Variants in TTC21B observed in about 807,000 individuals in gnomAD.
The protein encoded by TTC21B is tetratricopeptide repeat domain 21B.
A neutral mutation model predicts 175.1 loss-of-function variants in TTC21B; 127 were observed. The observed-to-expected ratio is 0.73, with a 90% CI of 0.63 to 0.84. The LOEUF (loss-of-function observed/expected upper bound fraction) is 0.84. Ranked by LOEUF, TTC21B falls within the 40% of genes least tolerant of loss-of-function variation. The pLI is 0.00. For synonymous variants in TTC21B, 524 were observed against 524.5 expected (o/e 1.00, Z 0.01); for missense variants, 1,561 against 1,558.3 (o/e 1.00, Z -0.03).
intron 18 of TTC21B, among the ~76,000 whole-genome samples, chr2:165,908,583 T>C (rs956846783): frequency 4.6e-5 from 7 of 152,148 alleles, no homozygotes; most frequent in Non-Finnish European, 8.8e-5. Context: ...TAGGTAGTCC[T>C]GGACACATCA....
chr2:165,941,046 T>C lies in TTC21B; in HGVS notation c.691A>G (p.Thr231Ala). The C allele has an allele frequency of 1.9e-6, 3 of 1,613,968 alleles. No individual in the cohort carries two copies. The highest frequency in any genetic ancestry group is 1.1e-5 in the South Asian group (1 of 91,084). The change falls in exon 6 of 29, where the codon ACA becomes GCA. Residue 231 changes from threonine (T) to alanine (A), a missense_variant. Physicochemically the swap from Thr to Ala is moderately conservative, Grantham distance 58. Coordinates refer to ENST00000243344, the MANE Select transcript of TTC21B (RefSeq NM_024753.5). Reference sequence around the variant, plus strand: ...CTTAACCTTTGTGCTGTCTCAACTGTCTGGTCCCAATCCTGCAAGGCTAGT... The same window carrying C: ...CTTAACCTTTGTGCTGTCTCAACTGCCTGGTCCCAATCCTGCAAGGCTAGT... ...LQLALQDWDQ[T>A]VETAQRLLLQ...
At chr2:165,907,883 T>C (rs1487798758) in intron 18 of TTC21B, 99 bp from the exon 19 acceptor site, 4 of 830,714 alleles carry the variant, frequency 4.8e-6, no homozygotes, top group Non-Finnish European at 7.6e-6. Context: ...AAAAATGATT[T>C]TGAAAAATAG....
chr2:165,945,711 T>A, intron 3 of TTC21B, 21 bp from the exon 4 acceptor site: 1 of 1,607,630 alleles, frequency 6.2e-7, no homozygotes, highest in Non-Finnish European at 8.5e-7. Flanking sequence ...AAAATGATAT[T>A]AAATAAAAAT....
chr2:165,913,142 A>T (rs1262730025), intron 16 of TTC21B, among the ~76,000 whole-genome samples: 1 of 151,718 alleles, frequency 6.6e-6, no homozygotes, highest in Non-Finnish European at 1.5e-5. Context: ...AGGTTCAAGT[A>T]ATTCTCCTGC....
intron 4 of TTC21B, 83 bp from the exon 5 acceptor site, chr2:165,943,424 G>A: frequency 4.5e-6 from 5 of 1,120,910 alleles, no homozygotes. Flanking sequence ...TCATTTTTCT[G>A]GCAATTAATA....
chr2:165,917,589 G>T, intron 13 of TTC21B, 108 bp from the exon 14 acceptor site: 1 of 896,654 alleles, frequency 1.1e-6, no homozygotes, highest in Non-Finnish European at 1.8e-6. Context: ...GTCCATCTTT[G>T]ATTGTATGCA....
intron 21 of TTC21B, among the ~76,000 whole-genome samples, chr2:165,899,390 T>G (rs1685478172): frequency 6.6e-6 from 1 of 152,182 alleles, no homozygotes; most frequent in African/African-American, 2.4e-5. Flanking sequence ...TGAAGTTGTT[T>G]TTTTTCCCCT....
chr2:165,917,617 C>T (rs1686225959), intron 13 of TTC21B, 136 bp from the exon 14 acceptor site: 1 of 747,472 alleles, frequency 1.3e-6, no homozygotes, highest in Non-Finnish European at 2.3e-6. Flanking sequence ...TATCTCTGCC[C>T]TCTTATTAAC....
At chr2:165,904,516 A>C (rs1685666371) in intron 19 of TTC21B, among the ~76,000 whole-genome samples, 1 of 152,302 alleles carries the variant, frequency 6.6e-6, no homozygotes, top group South Asian at 2.1e-4. Flanking sequence ...AAACACTACA[A>C]ATTAATTGCA....
intron 25 of TTC21B, among the ~76,000 whole-genome samples, chr2:165,885,870 T>C (rs1199038305): frequency 6.6e-6 from 1 of 152,196 alleles, no homozygotes; most frequent in African/African-American, 2.4e-5. Context: ...TCTCAATAAC[T>C]CTAAATTGCA....
chr2:165,946,256 G>A (rs1183860554), intron 3 of TTC21B, among the ~76,000 whole-genome samples: 15 of 151,670 alleles, frequency 9.9e-5, no homozygotes, highest in South Asian at 2.1e-4. Flanking sequence ...GGAGAATGGC[G>A]TGAACTCGAG....
chr2:165,896,917 C>T (rs956136684), intron 22 of TTC21B, among the ~76,000 whole-genome samples: 13 of 152,030 alleles, frequency 8.6e-5, no homozygotes, highest in African/African-American at 1.7e-4. Flanking sequence ...TTTAATAAAA[C>T]GATGATTTGC....
rs144250325 is a variant in TTC21B, at chr2:165,883,364, AAATAT to A, written c.3684+425_3684+429del. Among the ~76,000 whole-genome samples, 719 of 152,280 alleles carry A rather than the reference AAATAT, an allele frequency of 4.7e-3. 4 individuals are homozygous for A. Among genetic ancestry groups the A allele is most frequent in the African/African-American group, 0.016 (685 of 41,556 alleles). On this transcript the variant is annotated intron_variant, in intron 26 of 28. Transcript: ENST00000243344. ...AAAGCTGAAAAGATTTTCTCCCACA[AAATAT>A]ATTATGCATAATAGATTCTAATAAT... is the stretch of plus-strand genomic sequence containing the variant.
At chr2:165,916,063 A>T (rs1454128762) in intron 14 of TTC21B, among the ~76,000 whole-genome samples, 1 of 152,172 alleles carries the variant, frequency 6.6e-6, no homozygotes, top group African/African-American at 2.4e-5. Flanking sequence ...TGGGTGGATC[A>T]CTTAAGCCCA....
intron 3 of TTC21B, chr2:165,948,728 T>G (rs1194393812): frequency 6.6e-6 from 1 of 151,168 alleles, no homozygotes. Context: ...TTATTTTCTG[T>G]TTTTTTTTAG....
In TTC21B at chr2:165,883,895, C is replaced by T; in HGVS notation, c.3583G>A (p.Glu1195Lys). 1.2e-6 allele frequency: 2 copies of T among 1,614,136 alleles called. No individual in the cohort carries two copies. The highest frequency in any genetic ancestry group is 1.7e-6 in the Non-Finnish European group (2 of 1,180,014). ...KMNWNAIDAE[E>K]FEKSWLLLAD... Reference sequence around the variant, plus strand: ...AGTAGCAGCCAACTCTTCTCAAACTCTTCAGCATCAATAGCATTCCAATTC... The same window carrying T: ...AGTAGCAGCCAACTCTTCTCAAACTTTTCAGCATCAATAGCATTCCAATTC... The change falls in exon 26 of 29, where the codon GAG (glutamate) becomes AAG (lysine). Residue 1195 changes from glutamate (E) to lysine (K), a missense_variant. Physicochemically the swap from Glu to Lys is moderately conservative, Grantham distance 56. Transcript: ENST00000243344.
chr2:165,890,366 T>C (rs1685144856), intron 24 of TTC21B, 113 bp downstream of exon 24: 2 of 951,690 alleles, frequency 2.1e-6, no homozygotes, highest in Admixed American at 2.4e-5. Flanking sequence ...ATTTAATTTA[T>C]TCATCTGACC....
chr2:165,940,917 T>C (rs370153756), intron 6 of TTC21B, 110 bp downstream of exon 6: 9 of 1,217,750 alleles, frequency 7.4e-6, no homozygotes, highest in African/African-American at 3.0e-5. Context: ...TCCACACTGT[T>C]TGAAAAAAAT....
chr2:165,910,276 G>T (rs904076136), intron 18 of TTC21B, among the ~76,000 whole-genome samples: 2 of 152,016 alleles, frequency 1.3e-5, no homozygotes, highest in African/African-American at 4.8e-5. Context: ...GGTGGCAGGG[G>T]CCTGTAGTCC....
Sources: allele counts gnomAD v4.1 joint callset (sites outside exome capture counted in the v4.1 genomes callset), GRCh38; gene constraint gnomAD v4.1.1; transcripts MANE v1.5; gene names NCBI Gene and HGNC (gene_info 2026-07-23, HGNC 2026-07-21).